Variants in CNTLN observed in about 807,000 individuals in gnomAD.
CNTLN encodes centlein, centrosomal protein.
A neutral mutation model predicts 180.0 loss-of-function variants in CNTLN; 212 were observed. The observed-to-expected ratio is 1.18, with a 90% confidence interval of 1.05 to 1.32. The LOEUF (loss-of-function observed/expected upper bound fraction) is 1.32, where lower values mean the gene tolerates loss of function less well. Among genes scored for constraint, CNTLN ranks in the 40% most tolerant of loss-of-function variants. CNTLN has a pLI of 0.00. For missense variants in CNTLN, 2,095 were observed against 1,610.9 expected (o/e 1.30, Z -5.14); for synonymous variants, 722 against 563.1 (o/e 1.28, Z -3.99).
chr9:17,151,182 T>C (rs1818848609), intron 2 of CNTLN, among the ~76,000 whole-genome samples: 1 of 152,204 alleles, frequency 6.6e-6, no homozygotes, highest in South Asian at 2.1e-4. Context: ...TCCAATATTA[T>C]GTTGAATAGG....
At chr9:17,294,382 T>G (rs954119353) in intron 6 of CNTLN, among the ~76,000 whole-genome samples, 1 of 151,150 alleles carries the variant, frequency 6.6e-6, no homozygotes, top group African/African-American at 2.4e-5. Flanking sequence ...AGGGTGCTGA[T>G]TGGTGCGTTT....
intron 13 of CNTLN, among the ~76,000 whole-genome samples, chr9:17,380,980 C>A (rs1825200830): frequency 6.6e-6 from 1 of 152,196 alleles, no homozygotes; most frequent in Admixed American, 6.5e-5. Flanking sequence ...TTGGAACTGG[C>A]ACACTGTCAC....
intron 2 of CNTLN, among the ~76,000 whole-genome samples, chr9:17,193,377 A>G (rs578217657): frequency 6.6e-6 from 1 of 152,316 alleles, no homozygotes; most frequent in African/African-American, 2.4e-5. Context: ...CAAGCTAGTT[A>G]CTTCCCAGAT....
chr9:17,235,522 A>T, intron 3 of CNTLN, 136 bp from the exon 4 acceptor site: 4 of 665,752 alleles, frequency 6.0e-6, no homozygotes, highest in Non-Finnish European at 9.8e-6. Flanking sequence ...ACAGGAGATG[A>T]GAATTGTGGT....
the CNTLN span, among the ~76,000 whole-genome samples, chr9:17,520,437 T>C: frequency 6.6e-6 from 1 of 152,230 alleles, no homozygotes; most frequent in East Asian, 1.9e-4. Flanking sequence ...AGGGAAGCTG[T>C]TCTGGCCACC....
chr9:17,195,056 G>A (rs1822043694), intron 2 of CNTLN, among the ~76,000 whole-genome samples: 1 of 152,084 alleles, frequency 6.6e-6, no homozygotes, highest in South Asian at 2.1e-4. Flanking sequence ...TGGGAATTAT[G>A]GGAGTACAAC....
At chr9:17,408,244 A>T (rs756964016) in intron 15 of CNTLN, among the ~76,000 whole-genome samples, 1 of 152,044 alleles carries the variant, frequency 6.6e-6, no homozygotes, top group African/African-American at 2.4e-5. Flanking sequence ...CAAGCAGCAT[A>T]TAATGATGTC....
chr9:17,402,901 A>T (rs867069131), intron 15 of CNTLN, among the ~76,000 whole-genome samples: 18 of 151,868 alleles, frequency 1.2e-4, no homozygotes, highest in South Asian at 6.2e-4. Context: ...ATTCCTAAAG[A>T]TATATACGTG....
At chr9:17,338,386 C>T (rs544830489) in intron 10 of CNTLN, among the ~76,000 whole-genome samples, 16 of 126,118 alleles carry the variant, frequency 1.3e-4, no homozygotes, top group East Asian at 5.3e-4. Context: ...TTGGCCAGTC[C>T]GGTCTCAAAC....
intron 14 of CNTLN, among the ~76,000 whole-genome samples, chr9:17,391,522 T>A (rs1222621483): frequency 6.6e-6 from 1 of 152,268 alleles, no homozygotes; most frequent in South Asian, 2.1e-4. Flanking sequence ...TTTGGTGTGT[T>A]GTATTCTGAG....
At chr9:17,386,330 A>G (rs1484138832) in intron 13 of CNTLN, among the ~76,000 whole-genome samples, 1 of 152,148 alleles carries the variant, frequency 6.6e-6, no homozygotes, top group East Asian at 1.9e-4. Flanking sequence ...AGAAAAAGAA[A>G]AAATGGAGAG....
chr9:17,508,531 G>C (rs1833973367), downstream of CNTLN, among the ~76,000 whole-genome samples: 2 of 152,126 alleles, frequency 1.3e-5, no homozygotes, highest in South Asian at 4.1e-4. Flanking sequence ...TGTTCCATCA[G>C]CACAAAGACT....
intron 15 of CNTLN, among the ~76,000 whole-genome samples, chr9:17,405,178 TTTA>T (rs1402041084): frequency 5.9e-5 from 9 of 151,730 alleles, no homozygotes; most frequent in African/African-American, 2.2e-4. Context: ...TACCATACTC[TTTA>T]TTTTCTTCTT....
intron 8 of CNTLN, among the ~76,000 whole-genome samples, chr9:17,314,267 C>T (rs1467089370): frequency 6.6e-6 from 1 of 151,956 alleles, no homozygotes; most frequent in Non-Finnish European, 1.5e-5. Flanking sequence ...CTATTGTTTT[C>T]CCTTTTCTTT....
intron 13 of CNTLN, among the ~76,000 whole-genome samples, chr9:17,382,769 A>G (rs1825362828): frequency 6.6e-6 from 1 of 152,186 alleles, no homozygotes; most frequent in Admixed American, 6.5e-5. Context: ...TGGTGTGTTA[A>G]TATTTCTGAT....
Position 17,484,490 on chromosome 9 carries a change from T to C in CNTLN, c.4041+10T>C. 2 of 1,571,186 alleles carry C rather than the reference T, an allele frequency of 1.3e-6. No homozygotes were observed. Among genetic ancestry groups the C allele is most frequent in the Non-Finnish European group, 1.7e-6 (2 of 1,163,022 alleles). ...CACAGAAGATCAAGTGGTAAGATCA[T>C]TTAAATATTTATTATTAAAGGGTTT... On this transcript the variant is annotated intron_variant, in intron 24 of 25. Transcript: ENST00000380647.
intron 9 of CNTLN, among the ~76,000 whole-genome samples, chr9:17,332,233 G>A (rs1023416738): frequency 2.0e-5 from 3 of 151,884 alleles, no homozygotes; most frequent in Non-Finnish European, 2.9e-5. Flanking sequence ...TTTCCCTCTT[G>A]TTTCTGGTTG....
At chr9:17,426,077 C>G (rs1829064799) in intron 18 of CNTLN, among the ~76,000 whole-genome samples, 1 of 152,126 alleles carries the variant, frequency 6.6e-6, no homozygotes, top group Admixed American at 6.6e-5. Flanking sequence ...TCCTTCTTAG[C>G]AGAAATCAGG....
the CNTLN span, among the ~76,000 whole-genome samples, chr9:17,523,380 G>T: frequency 1.3e-5 from 2 of 152,048 alleles, no homozygotes; most frequent in Admixed American, 6.5e-5. Flanking sequence ...GGGATTACAG[G>T]TGTCCACCAC....
Sources: gnomAD v4.1 joint callset for allele counts (sites outside exome capture counted in the v4.1 genomes callset) on GRCh38, gnomAD v4.1.1 for gene constraint, MANE v1.5 for transcripts, NCBI Gene and HGNC (gene_info 2026-07-23, HGNC 2026-07-21) for gene names.